Variants in METAP1 observed in about 807,000 individuals in gnomAD.
The protein encoded by METAP1 is methionine aminopeptidase 1.
Under a neutral mutation model 53.8 loss-of-function variants are expected in METAP1, and 28 were observed. The ratio of observed to expected loss-of-function variants is 0.52; its 90% confidence interval spans 0.39 to 0.71. The LOEUF (loss-of-function observed/expected upper bound fraction) is 0.71, where lower values mean the gene tolerates loss of function less well. Ranked by LOEUF, METAP1 falls within the 30% of genes least tolerant of loss-of-function variation. METAP1 has a pLI of 0.00. For synonymous variants in METAP1, 181 were observed against 165.7 expected, an observed-to-expected ratio of 1.09 and a Z score of -0.71; for missense variants, 389 against 479.8, an observed-to-expected ratio of 0.81 and a Z score of 1.77.
intron 5 of METAP1, 34 bp downstream of exon 5, chr4:99,039,499 T>C (rs1424328524): frequency 3.0e-6 from 4 of 1,313,440 alleles, no homozygotes; most frequent in Non-Finnish European, 4.4e-6. Context: ...GGGTAGGAAA[T>C]GTTTAAGCAG....
chr4:99,052,445 G>T (rs1553947590), intron 9 of METAP1, among the ~76,000 whole-genome samples: 1 of 152,180 alleles, frequency 6.6e-6, no homozygotes, highest in Non-Finnish European at 1.5e-5. Context: ...TTCTGGAGAG[G>T]CCTCAGGGAA....
At chr4:98,998,814 T>A (rs1334690686) in intron 1 of METAP1, among the ~76,000 whole-genome samples, 4 of 138,136 alleles carry the variant, frequency 2.9e-5, no homozygotes, top group East Asian at 2.0e-4. Context: ...AAAATGAGGA[T>A]TTTTTTTTTT....
At chr4:99,061,051 T>C (rs1727514332) in intron 10 of METAP1, 103 bp from the exon 11 acceptor site, 2 of 1,204,378 alleles carry the variant, frequency 1.7e-6, no homozygotes, top group Non-Finnish European at 2.3e-6. Context: ...ACAATTGGCA[T>C]GTAAATAAGG....
chr4:99,005,336 A>G (rs573164162), intron 1 of METAP1, among the ~76,000 whole-genome samples: 1 of 152,370 alleles, frequency 6.6e-6, no homozygotes, highest in African/African-American at 2.4e-5. Context: ...TGACCTAAAT[A>G]GAATTTTCTC....
intron 8 of METAP1, 25 bp from the exon 9 acceptor site, chr4:99,048,708 C>G: frequency 6.2e-7 from 1 of 1,609,616 alleles, no homozygotes; most frequent in Non-Finnish European, 8.5e-7. Flanking sequence ...ATTAGTTTAT[C>G]ATGAATTTTC....
At chr4:99,000,645 G>A (rs1722871336) in intron 1 of METAP1, among the ~76,000 whole-genome samples, 1 of 149,312 alleles carries the variant, frequency 6.7e-6, no homozygotes, top group African/African-American at 2.5e-5. Context: ...ACTGAATCCA[G>A]GAAGAAAGTC....
intron 1 of METAP1, among the ~76,000 whole-genome samples, chr4:99,027,312 C>T (rs1403361016): frequency 6.6e-6 from 1 of 152,134 alleles, no homozygotes; most frequent in East Asian, 1.9e-4. Context: ...GCTTATTACC[C>T]TACTTCTTAG....
At chr4:99,044,589 T>C (rs1260194867) in intron 7 of METAP1, among the ~76,000 whole-genome samples, 2 of 152,084 alleles carry the variant, frequency 1.3e-5, no homozygotes, top group Non-Finnish European at 2.9e-5. Flanking sequence ...GATTGAAATA[T>C]GTGGTTTAAA....
rs758261721 is a variant in METAP1, at chr4:99,045,243, A to G, written c.720A>G (p.Glu240=). 6.2e-7 allele frequency: 1 copy of G among 1,613,778 alleles called. No homozygotes were observed. Among genetic ancestry groups the G allele is most frequent in the Non-Finnish European group, 8.5e-7 (1 of 1,179,786 alleles). ...TGAATGAGACATTTTTTGTTGGAGA[A>G]GTGGATGATGGAGCACGGAAACTTG... ...GDLNETFFVG[E]VDDGARKLVQ... The change falls in exon 8 of 11, where the codon GAA becomes GAG. Residue 240 remains glutamate, a synonymous_variant. Coordinates refer to ENST00000296411, the MANE Select transcript of METAP1 (RefSeq NM_015143.3).
At position 99,039,363 on chromosome 4, in the gene METAP1, T is replaced by C; in HGVS notation, c.341-11T>C. On this transcript the variant is annotated splice_polypyrimidine_tract_variant and intron_variant, in intron 4 of 10. Transcript: ENST00000296411. Reference sequence around the variant, plus strand: ...TTCATTTTGGTTTTACTTACCGAATTTTCATTCCAGGAATGTCTGAATCTG... The same window carrying C: ...TTCATTTTGGTTTTACTTACCGAATCTTCATTCCAGGAATGTCTGAATCTG... The C allele has an allele frequency of 6.3e-7, 1 of 1,580,108 alleles. No individual in the cohort carries two copies. Among genetic ancestry groups the C allele is most frequent in the Non-Finnish European group, 8.7e-7 (1 of 1,154,020 alleles).
intron 10 of METAP1, 68 bp from the exon 11 acceptor site, chr4:99,061,086 G>T (rs1727516447): frequency 4.0e-6 from 6 of 1,512,250 alleles, no homozygotes; most frequent in Admixed American, 4.1e-5. Flanking sequence ...TTTTTTCCTT[G>T]GCTTTCTTCT....
At position 99,015,286 on chromosome 4, in the gene METAP1, T is replaced by C. The variant is rs554192978; in HGVS notation, c.115-13581T>C. Among the ~76,000 whole-genome samples the C allele has an allele frequency of 2.6e-5, 4 of 152,310 alleles. No individual in the cohort carries two copies. The South Asian group carries it at 8.3e-4, about 32-fold the overall frequency. On this transcript the variant is annotated intron_variant, in intron 1 of 10. Coordinates refer to ENST00000296411, the MANE Select transcript of METAP1 (RefSeq NM_015143.3). ...TTTGTCTTATCATTTAGTAAAGGAC[T>C]AATTGGGATAATAGAAGTTTGATTT...
chr4:99,061,269 A>G lies in METAP1; in HGVS notation c.1113A>G (p.Leu371=). ...TCACAGACACTGGCTGTGAAATCCT[A>G]ACCCGGCGACTTGACAGTGCACGGC... is the stretch of plus-strand genomic sequence containing the variant. ...LLVTDTGCEI[L]TRRLDSARPH... The change falls in exon 11 of 11, where the codon CTA becomes CTG. Residue 371 remains leucine, a synonymous_variant. Coordinates refer to ENST00000296411, the MANE Select transcript of METAP1 (RefSeq NM_015143.3). 8 of 1,613,946 alleles carry G rather than the reference A, an allele frequency of 5.0e-6. No homozygotes were observed. Among genetic ancestry groups the G allele is most frequent in the Non-Finnish European group, 6.8e-6 (8 of 1,179,872 alleles).
chr4:99,018,422 A>C (rs1723902902), intron 1 of METAP1, among the ~76,000 whole-genome samples: 1 of 152,198 alleles, frequency 6.6e-6, no homozygotes, highest in Non-Finnish European at 1.5e-5. Flanking sequence ...CTGTCTTTCT[A>C]ATAATCCTAT....
At chr4:99,022,919 C>A in intron 1 of METAP1, 6 of 1,502,416 alleles carry the variant, frequency 4.0e-6, no homozygotes, top group Non-Finnish European at 5.4e-6. Flanking sequence ...ACGCATCTGA[C>A]CTCACCATAG....
chr4:99,023,523 A>G (rs755618439), intron 1 of METAP1: 11 of 985,378 alleles, frequency 1.1e-5, no homozygotes, highest in Non-Finnish European at 1.3e-5. Flanking sequence ...TCTCATCAAC[A>G]TGAATTGATG....
chr4:99,018,248 A>G lies in METAP1; in HGVS notation c.115-10619A>G, dbSNP rs1402854435. Among the ~76,000 whole-genome samples, 8 of 152,338 alleles carry G rather than the reference A, an allele frequency of 5.3e-5. No homozygotes were observed. The East Asian group carries it at 1.2e-3, about 22-fold the overall frequency. ...TGCTAATTAGATGACCTAAATGTCTAACTTCTGTTTCTACATATTGGAGCT... is the reference window on the plus strand; with the variant it reads ...TGCTAATTAGATGACCTAAATGTCTGACTTCTGTTTCTACATATTGGAGCT... On this transcript the variant is annotated intron_variant, in intron 1 of 10. Transcript: ENST00000296411.
In METAP1 at chr4:99,052,360, C is replaced by T. The variant is rs938472955; in HGVS notation, c.931+3484C>T. Among the ~76,000 whole-genome samples the T allele has an allele frequency of 5.9e-5, 9 of 152,094 alleles. No individual in the cohort carries two copies. In the South Asian group the frequency reaches 6.2e-4, roughly 11 times the overall value. ...ATTCCTGGTAGAATTCTTGTTAGAA[C>T]CTGGGTAATTTATAAAGAAAAGAGG... On this transcript the variant is annotated intron_variant, in intron 9 of 10. Transcript: ENST00000296411.
intron 8 of METAP1, 70 bp downstream of exon 8, chr4:99,045,380 A>G: frequency 6.4e-7 from 1 of 1,562,772 alleles, no homozygotes; most frequent in South Asian, 1.2e-5. Context: ...TGGGCGCTGC[A>G]GTTCTGTGCA....
Sources: allele counts gnomAD v4.1 joint callset (sites outside exome capture counted in the v4.1 genomes callset), GRCh38; gene constraint gnomAD v4.1.1; transcripts MANE v1.5; gene names NCBI Gene and HGNC (gene_info 2026-07-23, HGNC 2026-07-21).